SH3RF2: variants seen among roughly 807,000 people sequenced by gnomAD.
SH3RF2 encodes the protein SH3 domain containing ring finger 2, also known as E3 ubiquitin-protein ligase SH3RF2.
A neutral mutation model predicts 59.0 loss-of-function variants in SH3RF2; 43 were observed. The observed-to-expected ratio is 0.73, with a 90% CI of 0.57 to 0.94. The LOEUF (loss-of-function observed/expected upper bound fraction) is 0.94. Among genes scored for constraint, SH3RF2 ranks in the 40% least tolerant of loss-of-function variants. SH3RF2 has a pLI of 0.00. For synonymous variants in SH3RF2, 391 were observed against 391.5 expected, an observed-to-expected ratio of 1.00 and a Z score of 0.01; for missense variants, 930 against 940.1, an observed-to-expected ratio of 0.99 and a Z score of 0.14.
In SH3RF2 at chr5:145,958,113, CA is replaced by C. The variant is rs370158410; in HGVS notation, c.378+19818del. Among the ~76,000 whole-genome samples, 410 of 137,756 alleles carry C rather than the reference CA, an allele frequency of 3.0e-3. 2 individuals carry two copies. The highest frequency in any genetic ancestry group is 9.7e-3 in the African/African-American group (366 of 37,874). 90.4% of individuals were successfully genotyped at this position (137,756 alleles called of 152,430 possible). A position where few individuals can be genotyped will look rare whatever the true frequency, so the allele number is the denominator to read the frequency against. On this transcript the variant is annotated intron_variant, in intron 2 of 9. Transcript: ENST00000359120. ...GGGCAACAAGAGCAAAACTCCATCT[CA>C]AAAAAAAAAACAAAAAAACAAAACA... is the stretch of plus-strand genomic sequence containing the variant.
intron 2 of SH3RF2, among the ~76,000 whole-genome samples, chr5:145,948,174 C>T (rs1415574470): frequency 6.6e-5 from 10 of 152,004 alleles, no homozygotes; most frequent in Admixed American, 6.6e-4. Context: ...ACTGGTATCT[C>T]CACTTTATAC....
rs185531210 is a variant in SH3RF2, at chr5:146,010,283, G to A, written c.745-3464G>A. On this transcript the variant is annotated intron_variant, in intron 4 of 9. Transcript: ENST00000359120. ...TTTCTGAATCCAGTCTATCAGTGAT[G>A]GACATTTGGATTGGTTCCAAGTCTT... 3.2e-3 allele frequency among the ~76,000 whole-genome samples: 485 copies of A among 152,264 alleles called. 13 individuals carry two copies. Among genetic ancestry groups the A allele is most frequent in the Admixed American group, 0.028 (430 of 15,284 alleles).
At chr5:146,003,899 G>A (rs138298949) in intron 3 of SH3RF2, among the ~76,000 whole-genome samples, 159 bp from the exon 4 acceptor site, 43 of 152,240 alleles carry the variant, frequency 2.8e-4, no homozygotes, top group Non-Finnish European at 5.4e-4. Context: ...TGCCCTTTAT[G>A]GAGAAAGTTC....
At chr5:145,997,526 T>A in intron 2 of SH3RF2, 1 of 1,605,768 alleles carries the variant, frequency 6.2e-7, no homozygotes, top group Non-Finnish European at 8.5e-7. Flanking sequence ...AGAATCCTCC[T>A]CGAGATTTTC....
intron 5 of SH3RF2, among the ~76,000 whole-genome samples, chr5:146,021,874 A>C (rs1761333681): frequency 6.6e-6 from 1 of 152,236 alleles, no homozygotes; most frequent in South Asian, 2.1e-4. Context: ...TCCCACCAAA[A>C]AATGAGAATT....
intron 7 of SH3RF2, among the ~76,000 whole-genome samples, chr5:146,051,374 G>A (rs1177381817): frequency 6.6e-6 from 1 of 152,182 alleles, no homozygotes; most frequent in Non-Finnish European, 1.5e-5. Context: ...TTGCTGGATT[G>A]AGAATAAACT....
intron 5 of SH3RF2, among the ~76,000 whole-genome samples, chr5:146,030,714 A>C (rs11741665): frequency 0.28 from 42,569 of 150,030 alleles, 7,595 homozygotes; most frequent in Non-Finnish European, 0.38. Context: ...ATATGGCCAG[A>C]AAGTTAAGAA....
At chr5:146,000,631 A>G (rs765051010) in intron 3 of SH3RF2, among the ~76,000 whole-genome samples, 15 of 152,148 alleles carry the variant, frequency 9.9e-5, no homozygotes, top group Non-Finnish European at 1.8e-4. Flanking sequence ...GTATTCACTC[A>G]TTCATTCATT....
At chr5:145,961,581 A>T (rs1345834315) in intron 2 of SH3RF2, among the ~76,000 whole-genome samples, 2 of 152,198 alleles carry the variant, frequency 1.3e-5, no homozygotes, top group African/African-American at 4.8e-5. Flanking sequence ...GAAAAACAGT[A>T]GTCTGGGCAG....
At chr5:145,986,036 A>C (rs1489958655) in intron 2 of SH3RF2, among the ~76,000 whole-genome samples, 1 of 137,182 alleles carries the variant, frequency 7.3e-6, no homozygotes, top group Non-Finnish European at 1.5e-5. Flanking sequence ...TAAATAAATA[A>C]ATAAATAAAT....
At chr5:145,945,233 G>T (rs1384067522) in intron 2 of SH3RF2, among the ~76,000 whole-genome samples, 1 of 148,546 alleles carries the variant, frequency 6.7e-6, no homozygotes, top group African/African-American at 2.6e-5. Context: ...AAAAAGAAGT[G>T]TCTTACCAAA....
At chr5:145,958,614 G>A (rs11948492) in intron 2 of SH3RF2, among the ~76,000 whole-genome samples, 11,842 of 152,178 alleles carry the variant, frequency 0.078, 1,535 homozygotes, top group African/African-American at 0.27. Flanking sequence ...CATCTGGTCC[G>A]ATATCTTCTT....
chr5:145,998,819 G>A (rs939798807), intron 2 of SH3RF2, among the ~76,000 whole-genome samples: 4 of 152,170 alleles, frequency 2.6e-5, no homozygotes, highest in African/African-American at 9.6e-5. Context: ...GCTGAGGCAG[G>A]AGAATCACTT....
chr5:145,972,296 G>C (rs771262499), intron 2 of SH3RF2, among the ~76,000 whole-genome samples: 1 of 152,172 alleles, frequency 6.6e-6, no homozygotes, highest in Non-Finnish European at 1.5e-5. Flanking sequence ...AGGTGAAGAG[G>C]ATGGGGAATA....
intron 5 of SH3RF2, among the ~76,000 whole-genome samples, chr5:146,044,806 G>A (rs542439428): frequency 2.6e-4 from 40 of 151,908 alleles, no homozygotes; most frequent in African/African-American, 9.2e-4. Context: ...TCTCCTCCAG[G>A]ACACTTTAAA....
At chr5:146,064,194 G>C (rs1762989955), downstream of SH3RF2, among the ~76,000 whole-genome samples, 1 of 151,952 alleles carries the variant, frequency 6.6e-6, no homozygotes, top group Non-Finnish European at 1.5e-5. Flanking sequence ...GTAGGCATAA[G>C]AGTAAGAGTG....
intron 7 of SH3RF2, among the ~76,000 whole-genome samples, chr5:146,053,383 C>T (rs1278676200): frequency 1.3e-5 from 2 of 152,058 alleles, no homozygotes; most frequent in African/African-American, 4.8e-5. Context: ...TTAATAGCGG[C>T]AACATCCCTT....
intron 1 of SH3RF2, among the ~76,000 whole-genome samples, chr5:145,937,537 G>GAGA (rs1385547469): frequency 2.0e-5 from 3 of 152,168 alleles, no homozygotes; most frequent in Non-Finnish European, 4.4e-5. Context: ...CTGGCTGGTA[G>GAGA]AGAGGGGTTG....
At position 146,000,106 on chromosome 5, in the gene SH3RF2, G is replaced by C; in HGVS notation, c.427G>C (p.Asp143His). The change falls in exon 3 of 10, where the codon GAC becomes CAC. Residue 143 changes from aspartate to histidine, a missense_variant. Coordinates refer to ENST00000359120, the MANE Select transcript of SH3RF2 (RefSeq NM_152550.4). The part of the protein sequence containing the change: ...LCNYRGQNPG[D>H]LRFNKGDIIL... Reference sequence around the variant, plus strand: ...CAACTACAGAGGGCAGAATCCCGGTGACCTAAGGTTTAATAAGGGAGATAT... The same window carrying C: ...CAACTACAGAGGGCAGAATCCCGGTCACCTAAGGTTTAATAAGGGAGATAT... 1 of 1,613,584 alleles carries C rather than the reference G, an allele frequency of 6.2e-7. No individual in the cohort carries two copies. Among genetic ancestry groups the C allele is most frequent in the Non-Finnish European group, 8.5e-7 (1 of 1,179,772 alleles).
Sources: allele counts gnomAD v4.1 joint callset (sites outside exome capture counted in the v4.1 genomes callset), GRCh38; gene constraint gnomAD v4.1.1; transcripts MANE v1.5; gene names NCBI Gene and HGNC (gene_info 2026-07-23, HGNC 2026-07-21).